The following AP4M1 variants were observed in gnomAD, a reference collection of about 807,000 sequenced individuals.
The protein encoded by AP4M1 is AP-4 complex subunit mu-1.
AP4M1 carries 58 observed loss-of-function variants against 62.4 expected under a neutral mutation model. The ratio of observed to expected loss-of-function variants is 0.93; its 90% CI spans 0.75 to 1.16. AP4M1 has a LOEUF of 1.16. AP4M1 is among the 50% of genes most tolerant of loss of function. The pLI, the probability that AP4M1 is intolerant of heterozygous loss-of-function variation, is 0.00. For synonymous variants in AP4M1, 290 were observed against 239.7 expected (o/e 1.21, Z -1.94); for missense variants, 626 against 585.4 (o/e 1.07, Z -0.72).
intron 11 of AP4M1, 135 bp downstream of exon 11, chr7:100,105,674 C>T (rs941562054): frequency 4.4e-5 from 42 of 948,440 alleles, no homozygotes; most frequent in South Asian, 1.9e-4. Context: ...GGGTTGCGGC[C>T]GGTGGCTCAC....
Position 100,108,169 on chromosome 7 carries a change from A to C in AP4M1, c.*1287A>C. 6.5e-7 allele frequency: 1 copy of C among 1,549,066 alleles called. No homozygotes were observed. The highest frequency in any genetic ancestry group is 8.7e-7 in the Non-Finnish European group (1 of 1,150,120). On this transcript the variant is annotated 3_prime_UTR_variant, in exon 15 of 15. Transcript: ENST00000359593. ...GGGGAAGTGGCACCATCTACTAAGAAGAGGAGTCTGAAGGGAGAGGCCTGG... is the reference window on the plus strand; with the variant it reads ...GGGGAAGTGGCACCATCTACTAAGACGAGGAGTCTGAAGGGAGAGGCCTGG...
intron 14 of AP4M1, 65 bp downstream of exon 14, chr7:100,106,579 C>CCCAAGCCG: frequency 6.4e-7 from 1 of 1,556,376 alleles, no homozygotes; most frequent in Non-Finnish European, 8.8e-7. Context: ...CCCCACCCTC[C>CCCAAGCCG]CGAAGCAGCT....
intron 7 of AP4M1, 104 bp from the exon 8 acceptor site, chr7:100,104,770 G>A (rs940804255): frequency 1.6e-5 from 20 of 1,246,300 alleles, no homozygotes; most frequent in Admixed American, 1.7e-5. Flanking sequence ...GGTGGAGGTT[G>A]CAGTGAGCCG....
rs1040148203 is a variant in AP4M1, at chr7:100,102,761, C to T, written c.234C>T (p.Ser78=). The change falls in exon 3 of 15, where the codon AGC becomes AGT. Residue 78 remains serine, a synonymous_variant. Coordinates refer to ENST00000359593, the MANE Select transcript of AP4M1 (RefSeq NM_004722.4). The part of the protein sequence containing the change: ...VTTSENVSPF[S]LLELLSRLAT... ...CTTCAGAAAACGTTTCTCCCTTCAG[C>T]CTCCTAGAACTGCTCTCCAGGTGAG... is the stretch of plus-strand genomic sequence containing the variant. 6.2e-7 allele frequency: 1 copy of T among 1,614,056 alleles called. No homozygotes were observed. The highest frequency in any genetic ancestry group is 1.3e-5 in the African/African-American group (1 of 75,022).
rs1796598667 is a variant in AP4M1, at chr7:100,107,200, G to A, written c.*318G>A. ...CATGCATGTGTGTACGTGCACGTGT[G>A]TACATGTCTGCATGTGTGGGAATCC... On this transcript the variant is annotated 3_prime_UTR_variant, in exon 15 of 15. Coordinates refer to ENST00000359593, the MANE Select transcript of AP4M1 (RefSeq NM_004722.4). 1 of 1,519,948 alleles carries A rather than the reference G, an allele frequency of 6.6e-7. No homozygotes were observed. Among genetic ancestry groups the A allele is most frequent in the Non-Finnish European group, 8.8e-7 (1 of 1,136,964 alleles). The allele number at this position is 1,519,948 out of a possible 1,614,324, so 94.2% of individuals were successfully genotyped here. A position where few individuals can be genotyped will look rare whatever the true frequency, so the allele number is the denominator to read the frequency against.
chr7:100,103,349 C>T, intron 4 of AP4M1, 60 bp from the exon 5 acceptor site: 3 of 1,443,074 alleles, frequency 2.1e-6, no homozygotes, highest in Non-Finnish European at 2.9e-6. Flanking sequence ...CCTGGCCCCA[C>T]TCCCCCTCTT....
At position 100,105,352 on chromosome 7, in the gene AP4M1, G is replaced by A; in HGVS notation, c.834+6G>A. ...TGCAACCACCTCAGGGCGAGGTCAG[G>A]GTTGGGGTGGCCTCATAAATTCCGT... On this transcript the variant is annotated splice_donor_region_variant and intron_variant, in intron 10 of 14. Coordinates refer to ENST00000359593, the MANE Select transcript of AP4M1 (RefSeq NM_004722.4). 1 of 1,614,122 alleles carries A rather than the reference G, an allele frequency of 6.2e-7. No homozygotes were observed. Among genetic ancestry groups the A allele is most frequent in the Non-Finnish European group, 8.5e-7 (1 of 1,179,986 alleles).
rs1217838736 is a variant in AP4M1 at position 100,107,190 on chromosome 7, G to C, written c.*308G>C. ...GCTTAGCGAGCATGCATGTGTGTAC[G>C]TGCACGTGTGTACATGTCTGCATGT... On this transcript the variant is annotated 3_prime_UTR_variant, in exon 15 of 15. Transcript: ENST00000359593. 2 of 1,518,942 alleles carry C rather than the reference G, an allele frequency of 1.3e-6. No individual in the cohort carries two copies. The highest frequency in any genetic ancestry group is 4.5e-5 in the East Asian group (2 of 44,114). The allele number at this position is 1,518,942 out of a possible 1,614,324, so 94.1% of individuals were successfully genotyped here.
chr7:100,104,228 C>A (rs1796289861), intron 7 of AP4M1, 74 bp downstream of exon 7: 1 of 1,295,896 alleles, frequency 7.7e-7, no homozygotes, highest in Non-Finnish European at 1.1e-6. Flanking sequence ...GCTAAGACTC[C>A]CAGCAACGGC....
In AP4M1 at chr7:100,101,896, C is replaced by T; in HGVS notation, c.75C>T (p.Gly25=). Residue 25 remains glycine (G), a synonymous_variant, in exon 2 of 15, where the codon GGC becomes GGT. Transcript: ENST00000359593. ...ACCCGCCAGTCCGCGGGGACAGTGG[C>T]GGCCGGGATGTGGCCGAGCTCTTCT... ...LIYKDFRGDS[G]GRDVAELFYR... The T allele has an allele frequency of 6.2e-7, 1 of 1,613,042 alleles. No individual in the cohort carries two copies. Among genetic ancestry groups the T allele is most frequent in the Non-Finnish European group, 8.5e-7 (1 of 1,179,940 alleles).
At chr7:100,104,715 T>C (rs1182891998) in intron 7 of AP4M1, among the ~76,000 whole-genome samples, 159 bp from the exon 8 acceptor site, 1 of 151,924 alleles carries the variant, frequency 6.6e-6, no homozygotes, top group Non-Finnish European at 1.5e-5. Context: ...TCTGTAACCC[T>C]AGCTACTTGT....
chr7:100,101,362 C>A (rs1308584154), upstream of AP4M1: 79 of 1,604,136 alleles, frequency 4.9e-5, no homozygotes, highest in Non-Finnish European at 6.7e-5. Flanking sequence ...AGCTGAGAAT[C>A]TCCGCGCGGT....
intron 9 of AP4M1, 66 bp from the exon 10 acceptor site, chr7:100,105,174 T>C: frequency 1.2e-6 from 2 of 1,610,914 alleles, no homozygotes; most frequent in Non-Finnish European, 1.7e-6. Flanking sequence ...AGACAGAGCC[T>C]CCCCTCTCCT....
At chr7:100,103,385 AG>A (rs763310886) in intron 4 of AP4M1, 23 bp from the exon 5 acceptor site, 1 of 1,599,214 alleles carries the variant, frequency 6.3e-7, no homozygotes, top group South Asian at 1.1e-5. Flanking sequence ...CTGATCACTC[AG>A]ACTGTCCTTC....
upstream of AP4M1, chr7:100,100,844 C>A (rs986716226): frequency 1.8e-5 from 18 of 1,017,414 alleles, no homozygotes; most frequent in African/African-American, 2.6e-4. Context: ...GCGCAGCGGC[C>A]CCGGCCTGCC....
In AP4M1 at chr7:100,103,679, G is replaced by T. The variant is rs1362452898; in HGVS notation, c.530G>T (p.Ser177Ile). 1 of 1,612,644 alleles carries T rather than the reference G, an allele frequency of 6.2e-7. No individual in the cohort carries two copies. ...GCAGCCAGCCGCCCCGTCCTGTCCA[G>T]TCGCTCTGACCAGGTGAGGGAAGGA... ...SSAASRPVLS[S>I]RSDQSQKNEV... Residue 177 changes from serine (S) to isoleucine (I), a missense_variant, in exon 6 of 15, where the codon AGT becomes ATT. Coordinates refer to ENST00000359593, the MANE Select transcript of AP4M1 (RefSeq NM_004722.4).
At position 100,105,236 on chromosome 7, in the gene AP4M1, C is replaced by T; in HGVS notation, c.728-4C>T. ...GAGAGAAGTCTCTCTCTCTCTCTTT[C>T]CAGGTTATGGGCCAGGAATCCGGGT... On this transcript the variant is annotated splice_polypyrimidine_tract_variant and splice_region_variant and intron_variant, in intron 9 of 14. Transcript: ENST00000359593. 1.9e-6 allele frequency: 3 copies of T among 1,614,038 alleles called. No individual in the cohort carries two copies. Among genetic ancestry groups the T allele is most frequent in the Non-Finnish European group, 2.5e-6 (3 of 1,179,944 alleles).
chr7:100,101,783 C>T lies in AP4M1; in HGVS notation c.58+11C>T, dbSNP rs1562903676. ...TCATCTACAAAGACTGTATCCTAGA[C>T]CCTTGGGGCTGGGAAGGGGCGGAGG... On this transcript the variant is annotated intron_variant, in intron 1 of 14. Coordinates refer to ENST00000359593, the MANE Select transcript of AP4M1 (RefSeq NM_004722.4). The T allele has an allele frequency of 2.4e-5, 38 of 1,612,552 alleles. No homozygotes were observed. Among genetic ancestry groups the T allele is most frequent in the Non-Finnish European group, 3.2e-5 (38 of 1,179,158 alleles).
chr7:100,108,098 TGC>T lies in AP4M1; in HGVS notation c.*1218_*1219del. On this transcript the variant is annotated 3_prime_UTR_variant, in exon 15 of 15. Coordinates refer to ENST00000359593, the MANE Select transcript of AP4M1 (RefSeq NM_004722.4). Reference sequence around the variant, plus strand: ...GGTGCGAGGGCCAGGCTGTGGGGCCTGCGAGAGGGTCAGCGTGGGCCGGGGCT... The same window carrying T: ...GGTGCGAGGGCCAGGCTGTGGGGCCTGAGAGGGTCAGCGTGGGCCGGGGCT... 3 of 1,607,492 alleles carry T rather than the reference TGC, an allele frequency of 1.9e-6. No homozygotes were observed. The highest frequency in any genetic ancestry group is 2.5e-6 in the Non-Finnish European group (3 of 1,178,132).
Sources: allele counts gnomAD v4.1 joint callset (sites outside exome capture counted in the v4.1 genomes callset), GRCh38; gene constraint gnomAD v4.1.1; transcripts MANE v1.5; gene names NCBI Gene and HGNC (gene_info 2026-07-23, HGNC 2026-07-21).